Variants in PPARGC1A observed in about 807,000 individuals in gnomAD.
PPARGC1A encodes the protein peroxisome proliferator-activated receptor gamma coactivator 1-alpha.
In PPARGC1A, 25 loss-of-function variants were observed where a neutral mutation model predicts 88.7. The observed-to-expected ratio is 0.28, with a 90% CI of 0.21 to 0.39. The LOEUF is 0.39. PPARGC1A is among the 10% of genes least tolerant of loss of function. The pLI is 1.00. For synonymous variants in PPARGC1A, 363 were observed against 355.6 expected (o/e 1.02, Z -0.24); for missense variants, 880 against 968.7 (o/e 0.91, Z 1.22).
At chr4:24,254,249 G>A in the PPARGC1A span, among the ~76,000 whole-genome samples, 1 of 152,144 alleles carries the variant, frequency 6.6e-6, no homozygotes, top group African/African-American at 2.4e-5. Flanking sequence ...GAAGACATAG[G>A]TGCTAAGATT....
the PPARGC1A span, among the ~76,000 whole-genome samples, chr4:24,190,789 C>T: frequency 2.6e-5 from 4 of 152,200 alleles, no homozygotes; most frequent in African/African-American, 9.6e-5. Context: ...TAGAGGCAAA[C>T]TCCAGCCAGT....
the PPARGC1A span, among the ~76,000 whole-genome samples, chr4:23,925,783 G>GA: frequency 2.6e-5 from 4 of 152,024 alleles, no homozygotes; most frequent in African/African-American, 9.7e-5. Context: ...GACAAAAGGG[G>GA]AAAAAATCAG....
the PPARGC1A span, among the ~76,000 whole-genome samples, chr4:23,987,981 T>G: frequency 6.7e-6 from 1 of 148,708 alleles, no homozygotes; most frequent in Admixed American, 6.7e-5. Flanking sequence ...TGATGTTCCC[T>G]TCCCTGTGTC....
At chr4:23,868,266 T>C (rs1039114119) in intron 2 of PPARGC1A, among the ~76,000 whole-genome samples, 2 of 152,180 alleles carry the variant, frequency 1.3e-5, no homozygotes, top group African/African-American at 4.8e-5. Context: ...CAGCAAGTCT[T>C]GTAGCTGAGT....
chr4:24,071,847 A>G, the PPARGC1A span, among the ~76,000 whole-genome samples: 982 of 152,226 alleles, frequency 6.5e-3, 31 homozygotes, highest in East Asian at 0.12. Context: ...ACGTGAATTC[A>G]CCTGGATCAT....
the PPARGC1A span, among the ~76,000 whole-genome samples, chr4:24,422,628 G>GA: frequency 2.8e-3 from 330 of 116,122 alleles, 3 homozygotes; most frequent in Admixed American, 0.011. Flanking sequence ...CTTTAAAAAT[G>GA]AAAAAAAAAA....
chr4:23,946,394 C>A, the PPARGC1A span, among the ~76,000 whole-genome samples: 1 of 152,192 alleles, frequency 6.6e-6, no homozygotes, highest in South Asian at 2.1e-4. Context: ...CAGTGCCCCT[C>A]ACTAGCCAAG....
chr4:23,967,533 G>C, the PPARGC1A span, among the ~76,000 whole-genome samples: 2 of 152,116 alleles, frequency 1.3e-5, no homozygotes, highest in East Asian at 3.9e-4. Context: ...GCTCCTCGGA[G>C]TGTCAGGTTC....
intron 2 of PPARGC1A, chr4:23,882,186 G>A (rs1226026927): frequency 1.3e-5 from 2 of 152,150 alleles, no homozygotes; most frequent in African/African-American, 2.4e-5. Context: ...AGAGAAAACT[G>A]TTATGGGAAC....
At chr4:23,802,173 T>G in intron 11 of PPARGC1A, 51 bp downstream of exon 11, 4 of 1,612,248 alleles carry the variant, frequency 2.5e-6, no homozygotes, top group Non-Finnish European at 3.4e-6. Context: ...ATGGCCATAA[T>G]TTTTTACATA....
At chr4:24,430,842 G>A in the PPARGC1A span, among the ~76,000 whole-genome samples, 1,843 of 152,226 alleles carry the variant, frequency 0.012, 53 homozygotes, top group East Asian at 0.11. Context: ...TAGGGGCCGG[G>A]CGCGGGGGCT....
At chr4:24,055,878 T>C in the PPARGC1A span, among the ~76,000 whole-genome samples, 1 of 152,202 alleles carries the variant, frequency 6.6e-6, no homozygotes, top group African/African-American at 2.4e-5. Context: ...GTTCCCAAGG[T>C]CTTTTAATGA....
chr4:24,295,635 A>AAT, the PPARGC1A span, among the ~76,000 whole-genome samples: 1 of 151,148 alleles, frequency 6.6e-6, no homozygotes, highest in African/African-American at 2.4e-5. Flanking sequence ...AGAAACTATG[A>AAT]ATATATATAT....
the PPARGC1A span, among the ~76,000 whole-genome samples, chr4:24,238,115 T>C: frequency 6.6e-6 from 1 of 152,138 alleles, no homozygotes; most frequent in Non-Finnish European, 1.5e-5. Flanking sequence ...CTGTGTGTAG[T>C]GGTTAGAGGT....
chr4:24,166,518 C>G, the PPARGC1A span, among the ~76,000 whole-genome samples: 1 of 152,192 alleles, frequency 6.6e-6, no homozygotes, highest in Admixed American at 6.5e-5. Context: ...CTGAAAAGAA[C>G]AGCCTGATTC....
At chr4:24,047,021 G>A in the PPARGC1A span, among the ~76,000 whole-genome samples, 4 of 152,074 alleles carry the variant, frequency 2.6e-5, no homozygotes, top group Admixed American at 2.6e-4. Flanking sequence ...ACAGCTGCAA[G>A]CCCACTCTGA....
chr4:23,961,802 G>A, the PPARGC1A span, among the ~76,000 whole-genome samples: 21 of 152,202 alleles, frequency 1.4e-4, no homozygotes, highest in South Asian at 1.0e-3. Context: ...ATGTTAGGCC[G>A]TGATGAGATG....
chr4:24,342,265 G>T, the PPARGC1A span, among the ~76,000 whole-genome samples: 1 of 151,998 alleles, frequency 6.6e-6, no homozygotes, highest in Non-Finnish European at 1.5e-5. Context: ...GCATACATTG[G>T]CTAATTCAAG....
chr4:23,870,497 T>A (rs78496571), intron 2 of PPARGC1A, among the ~76,000 whole-genome samples: 4 of 152,260 alleles, frequency 2.6e-5, no homozygotes, highest in African/African-American at 7.2e-5. Context: ...CTCACCATTA[T>A]CTTTTTACTG....
Sources: gnomAD v4.1 joint callset for allele counts (sites outside exome capture counted in the v4.1 genomes callset) on GRCh38, gnomAD v4.1.1 for gene constraint, MANE v1.5 for transcripts, NCBI Gene and HGNC (gene_info 2026-07-23, HGNC 2026-07-21) for gene names.